MECOM: variants seen among roughly 807,000 people sequenced by gnomAD.
The protein encoded by MECOM is MDS1 and EVI1 complex locus.
In MECOM, 13 loss-of-function variants were observed where a neutral mutation model predicts 116.3. The observed-to-expected ratio is 0.11, with a 90% CI of 0.07 to 0.18. The LOEUF (loss-of-function observed/expected upper bound fraction) is 0.18. MECOM is among the 10% of genes least tolerant of loss of function. MECOM has a pLI of 1.00. For synonymous variants in MECOM, 528 were observed against 535.2 expected, an observed-to-expected ratio of 0.99 and a Z score of 0.19; for missense variants, 1,299 against 1,509.0, an observed-to-expected ratio of 0.86 and a Z score of 2.31.
chr3:169,299,647 T>C (rs1716326668), intron 2 of MECOM, among the ~76,000 whole-genome samples: 1 of 152,144 alleles, frequency 6.6e-6, no homozygotes, highest in Non-Finnish European at 1.5e-5. Context: ...ACTTCATGAA[T>C]CACAGCCCCA....
chr3:169,636,259 A>C, intron 1 of MECOM, among the ~76,000 whole-genome samples: 1 of 152,188 alleles, frequency 6.6e-6, no homozygotes, highest in Non-Finnish European at 1.5e-5. Context: ...ACATCAAGAA[A>C]TTTTATAAAA....
At chr3:169,269,456 A>G (rs1460737758) in intron 2 of MECOM, among the ~76,000 whole-genome samples, 2 of 152,336 alleles carry the variant, frequency 1.3e-5, no homozygotes, top group South Asian at 2.1e-4. Context: ...CATGTGGACA[A>G]AACGCTTTAA....
intron 1 of MECOM, among the ~76,000 whole-genome samples, chr3:169,662,368 C>G (rs1183694371): frequency 6.6e-6 from 1 of 152,124 alleles, no homozygotes; most frequent in African/African-American, 2.4e-5. Context: ...TGCTCGGCGC[C>G]CAGCAAGCCC....
chr3:169,116,538 A>T lies in MECOM; in HGVS notation c.1334T>A (p.Leu445His). The T allele has an allele frequency of 6.2e-7, 1 of 1,614,192 alleles. No individual in the cohort carries two copies. Among genetic ancestry groups the T allele is most frequent in the Non-Finnish European group, 8.5e-7 (1 of 1,180,022 alleles). The change falls in exon 8 of 17, where the codon CTT becomes CAT. Residue 445 changes from leucine to histidine, a missense_variant. Leu to His is a moderately conservative substitution (Grantham distance 99). This residue lies in a region of MECOM where 238 missense variants were observed against 273.1 expected (regional missense o/e 0.87). Coordinates refer to ENST00000651503, the MANE Select transcript of MECOM (RefSeq NM_004991.4). ...TTTATCCATAGCTGGGGTTCCAGGA[A>T]GTGAAATGCCTTGGCCAAAAAATCC... ...AGGFFGQGISLPGTPAMDKTS... is the reference protein window; with the variant it reads ...AGGFFGQGISHPGTPAMDKTS...
At position 169,454,966 on chromosome 3, in the gene MECOM, A is replaced by G. The variant is rs933595859; in HGVS notation, c.38-73442T>C. Reference sequence around the variant, plus strand: ...TTTATCTCACATCTAAGACTAAACCATTTGTCTCCTCTTACAATCAGCCAT... The same window carrying G: ...TTTATCTCACATCTAAGACTAAACCGTTTGTCTCCTCTTACAATCAGCCAT... On this transcript the variant is annotated intron_variant, in intron 1 of 16. Coordinates refer to ENST00000651503, the MANE Select transcript of MECOM (RefSeq NM_004991.4). Among the ~76,000 whole-genome samples, 4 of 152,192 alleles carry G rather than the reference A, an allele frequency of 2.6e-5. No individual in the cohort carries two copies. In the South Asian group the frequency reaches 6.2e-4, roughly 24 times the overall value.
At chr3:169,146,494 A>G in intron 2 of MECOM, 1 of 1,381,004 alleles carries the variant, frequency 7.2e-7, no homozygotes, top group South Asian at 1.1e-5. Flanking sequence ...CGGACGACCC[A>G]CCCCGGAGAC....
intron 1 of MECOM, among the ~76,000 whole-genome samples, chr3:169,584,329 G>A (rs1300938445): frequency 1.3e-5 from 2 of 151,938 alleles, no homozygotes; most frequent in Admixed American, 6.6e-5. Flanking sequence ...ACTTTGGGAG[G>A]CCGGGGCGGG....
chr3:169,311,954 T>A (rs1718852602), intron 2 of MECOM, among the ~76,000 whole-genome samples: 1 of 152,144 alleles, frequency 6.6e-6, no homozygotes, highest in South Asian at 2.1e-4. Flanking sequence ...TTGGAGTGTT[T>A]GAGAAGCAAG....
intron 2 of MECOM, among the ~76,000 whole-genome samples, chr3:169,254,966 G>A (rs1330920885): frequency 4.6e-5 from 7 of 152,058 alleles, no homozygotes; most frequent in African/African-American, 7.2e-5. Flanking sequence ...GCTGCTAGCC[G>A]ACCATGGAGC....
At position 169,370,354 on chromosome 3, in the gene MECOM, CACCATACAAAAAACTCA is replaced by C. The variant is rs564586175; in HGVS notation, c.375+10816_375+10832del. ...TAAAATTTGACCCTTACTTATCGCA[CACCATACAAAAAACTCA>C]ACTCAAAATGGATTAAAGACTTAAA... On this transcript the variant is annotated intron_variant, in intron 2 of 16. Transcript: ENST00000651503. Among the ~76,000 whole-genome samples, 582 of 152,018 alleles carry C rather than the reference CACCATACAAAAAACTCA, an allele frequency of 3.8e-3. 2 individuals are homozygous for C. The highest frequency in any genetic ancestry group is 0.013 in the African/African-American group (559 of 41,506).
intron 1 of MECOM, among the ~76,000 whole-genome samples, chr3:169,606,336 T>A (rs1577082080): frequency 6.7e-6 from 1 of 150,024 alleles, no homozygotes; most frequent in Admixed American, 6.7e-5. Context: ...TCGCTTGAAC[T>A]CAGGAGGCGG....
intron 2 of MECOM, among the ~76,000 whole-genome samples, chr3:169,202,112 C>T (rs1036469848): frequency 5.3e-5 from 8 of 151,944 alleles, no homozygotes; most frequent in African/African-American, 1.9e-4. Flanking sequence ...TGTTAATTAC[C>T]CTGCTGCCTG....
rs566564757 is a variant in MECOM, at chr3:169,431,605, CTCACCTGATTAGA to C, written c.38-50094_38-50082del. ...ATTCCCTGATGGATTCCCTGATTTA[CTCACCTGATTAGA>C]TTCAAAGTCGCACAGACTAATTTCA... is the stretch of plus-strand genomic sequence containing the variant. On this transcript the variant is annotated intron_variant, in intron 1 of 16. Coordinates refer to ENST00000651503, the MANE Select transcript of MECOM (RefSeq NM_004991.4). Among the ~76,000 whole-genome samples, 504 of 152,310 alleles carry C rather than the reference CTCACCTGATTAGA, an allele frequency of 3.3e-3. 2 individuals carry two copies. Among genetic ancestry groups the C allele is most frequent in the Non-Finnish European group, 4.8e-3 (328 of 68,026 alleles).
intron 1 of MECOM, among the ~76,000 whole-genome samples, chr3:169,612,351 A>G (rs1769388850): frequency 6.6e-6 from 1 of 152,192 alleles, no homozygotes; most frequent in African/African-American, 2.4e-5. Context: ...GAATCTTGAC[A>G]TTGCTGAGAT....
intron 2 of MECOM, among the ~76,000 whole-genome samples, chr3:169,317,869 A>G (rs899436871): frequency 6.6e-6 from 1 of 152,224 alleles, no homozygotes; most frequent in African/African-American, 2.4e-5. Flanking sequence ...CCTGGCTTCA[A>G]ACTATACTAC....
intron 2 of MECOM, among the ~76,000 whole-genome samples, chr3:169,294,368 A>C (rs1328391177): frequency 1.3e-5 from 2 of 152,158 alleles, no homozygotes; most frequent in African/African-American, 4.8e-5. Flanking sequence ...TTTTCAGGGG[A>C]AAGTTAGCCA....
intron 2 of MECOM, among the ~76,000 whole-genome samples, chr3:169,276,132 G>T (rs73032791): frequency 0.035 from 5,264 of 152,258 alleles, 234 homozygotes; most frequent in African/African-American, 0.1. Flanking sequence ...ATGGTAGGTG[G>T]TATTTTGAAA....
intron 2 of MECOM, among the ~76,000 whole-genome samples, chr3:169,183,813 CACACACATAT>C (rs1364703860): frequency 2.5e-5 from 1 of 40,532 alleles, no homozygotes; most frequent in African/African-American, 1.6e-4. Context: ...CACACACACA[CACACACATAT>C]ATATATATAT....
chr3:169,332,341 T>C (rs1024978630), intron 2 of MECOM, among the ~76,000 whole-genome samples: 2 of 152,140 alleles, frequency 1.3e-5, no homozygotes, highest in Non-Finnish European at 2.9e-5. Flanking sequence ...ACCACAAGTT[T>C]ATAAGATGGG....
Sources: allele counts gnomAD v4.1 joint callset (sites outside exome capture counted in the v4.1 genomes callset), GRCh38; gene constraint gnomAD v4.1.1; regional missense constraint gnomAD v4.1.1; transcripts MANE v1.5; gene names NCBI Gene and HGNC (gene_info 2026-07-23, HGNC 2026-07-21).